The following VWA3B variants were observed in gnomAD, a reference collection of about 807,000 sequenced individuals.
The protein encoded by VWA3B is von Willebrand factor A domain containing 3B.
Under a neutral mutation model 158.3 loss-of-function variants are expected in VWA3B, and 138 were observed. The observed-to-expected ratio is 0.87, with a 90% CI of 0.76 to 1.00. The LOEUF is 1.00. Ranked by LOEUF, VWA3B falls within the 50% of genes least tolerant of loss-of-function variation. VWA3B has a pLI of 0.00. For missense variants in VWA3B, 1,555 were observed against 1,565.1 expected, an observed-to-expected ratio of 0.99 and a Z score of 0.11; for synonymous variants, 596 against 587.3, an observed-to-expected ratio of 1.01 and a Z score of -0.21.
intron 12 of VWA3B, among the ~76,000 whole-genome samples, chr2:98,195,772 T>G (rs1396423331): frequency 6.6e-6 from 1 of 152,194 alleles, no homozygotes; most frequent in Non-Finnish European, 1.5e-5. Flanking sequence ...ATTTTAGCCA[T>G]TTGGCTAAAA....
chr2:98,245,175 C>A (rs557662225), intron 19 of VWA3B, among the ~76,000 whole-genome samples: 2 of 152,130 alleles, frequency 1.3e-5, no homozygotes, highest in African/African-American at 4.8e-5. Flanking sequence ...GCCAGTTATG[C>A]TTGATTTGCA....
chr2:98,179,945 TTC>T (rs1283027625), intron 8 of VWA3B, among the ~76,000 whole-genome samples: 5 of 143,592 alleles, frequency 3.5e-5, no homozygotes, highest in African/African-American at 5.2e-5. Flanking sequence ...CCTCCCTCCT[TTC>T]TCTCTTTCTC....
At chr2:98,276,228 T>C (rs543511144) in intron 22 of VWA3B, among the ~76,000 whole-genome samples, 142 of 152,336 alleles carry the variant, frequency 9.3e-4, no homozygotes, top group African/African-American at 3.1e-3. Flanking sequence ...GCAATGATAC[T>C]TCTCCTTTCC....
intron 12 of VWA3B, among the ~76,000 whole-genome samples, chr2:98,199,144 C>T (rs1426672431): frequency 1.3e-5 from 2 of 151,318 alleles, no homozygotes; most frequent in South Asian, 2.1e-4. Flanking sequence ...CTTATAAGTT[C>T]GTCCAACTTA....
chr2:98,289,274 T>C (rs1014584270), intron 22 of VWA3B, among the ~76,000 whole-genome samples: 1 of 152,234 alleles, frequency 6.6e-6, no homozygotes, highest in African/African-American at 2.4e-5. Context: ...TCTTTTTTCC[T>C]GGGAGACTTC....
At chr2:98,248,855 CTT>C (rs1170660140) in intron 19 of VWA3B, among the ~76,000 whole-genome samples, 973 of 26,864 alleles carry the variant, frequency 0.036, 15 homozygotes, top group African/African-American at 0.22. Flanking sequence ...TTCTTTCTTT[CTT>C]TCTTTCTTTC....
chr2:98,302,553 C>G (rs1276441628), intron 25 of VWA3B, among the ~76,000 whole-genome samples: 3 of 152,174 alleles, frequency 2.0e-5, no homozygotes, highest in Non-Finnish European at 4.4e-5. Context: ...TTTCTTAGGA[C>G]CTTACTGTGT....
intron 2 of VWA3B, among the ~76,000 whole-genome samples, chr2:98,096,475 G>A (rs921034810): frequency 1.3e-5 from 2 of 151,950 alleles, no homozygotes; most frequent in Non-Finnish European, 2.9e-5. Flanking sequence ...CACCATGTTG[G>A]TCAGGCTGGT....
intron 2 of VWA3B, among the ~76,000 whole-genome samples, chr2:98,095,359 CTTTA>C (rs1243318741): frequency 6.6e-6 from 1 of 151,998 alleles, no homozygotes; most frequent in East Asian, 1.9e-4. Flanking sequence ...TTCCTAAGTA[CTTTA>C]TTTATTTGTT....
At chr2:98,278,344 C>T (rs550364793) in intron 22 of VWA3B, among the ~76,000 whole-genome samples, 1 of 152,188 alleles carries the variant, frequency 6.6e-6, no homozygotes, top group Non-Finnish European at 1.5e-5. Context: ...ACCCACAACC[C>T]CTGGAGCCCC....
chr2:98,282,585 C>T (rs140713765), intron 22 of VWA3B, among the ~76,000 whole-genome samples: 1 of 151,874 alleles, frequency 6.6e-6, no homozygotes, highest in East Asian at 1.9e-4. Flanking sequence ...TACAGGCGCA[C>T]GGCACCACAC....
At chr2:98,249,557 T>G (rs1053976254) in intron 19 of VWA3B, among the ~76,000 whole-genome samples, 1 of 152,138 alleles carries the variant, frequency 6.6e-6, no homozygotes, top group South Asian at 2.1e-4. Flanking sequence ...CCCCCCAAAA[T>G]TGGGGAAGGA....
At chr2:98,163,893 T>G (rs752410845) in intron 8 of VWA3B, among the ~76,000 whole-genome samples, 9 of 152,178 alleles carry the variant, frequency 5.9e-5, no homozygotes, top group Non-Finnish European at 1.0e-4. Flanking sequence ...GGCTTTTTGC[T>G]AAAATCAGGC....
intron 23 of VWA3B, among the ~76,000 whole-genome samples, chr2:98,293,123 A>G (rs1402887965): frequency 6.6e-6 from 1 of 152,072 alleles, no homozygotes; most frequent in Non-Finnish European, 1.5e-5. Flanking sequence ...AATTCTAAAG[A>G]CCTACTGGGG....
intron 8 of VWA3B, among the ~76,000 whole-genome samples, chr2:98,167,937 T>G (rs1161952904): frequency 6.6e-6 from 1 of 152,116 alleles, no homozygotes; most frequent in Non-Finnish European, 1.5e-5. Context: ...TAAGAAATCA[T>G]TAAAGCAAGA....
chr2:98,260,580 G>A (rs1028746234), intron 21 of VWA3B, among the ~76,000 whole-genome samples: 22 of 151,636 alleles, frequency 1.5e-4, no homozygotes, highest in African/African-American at 5.1e-4. Context: ...TTATTTAAGA[G>A]GCTTGAGCGT....
At chr2:98,230,244 T>G in intron 16 of VWA3B, 37 bp downstream of exon 16, 1 of 1,494,196 alleles carries the variant, frequency 6.7e-7, no homozygotes. Flanking sequence ...CTTTGCTGGT[T>G]TCTCTTCAAG....
intron 3 of VWA3B, among the ~76,000 whole-genome samples, chr2:98,118,489 G>C (rs1281932928): frequency 6.6e-6 from 1 of 152,124 alleles, no homozygotes; most frequent in Admixed American, 6.5e-5. Flanking sequence ...GAAGGTGACC[G>C]CATCCACCTT....
the VWA3B span, among the ~76,000 whole-genome samples, chr2:98,325,224 T>C: frequency 1.3e-5 from 2 of 152,228 alleles, no homozygotes; most frequent in Admixed American, 1.3e-4. Flanking sequence ...CATTCCGTCA[T>C]AGTCACAATG....
Sources: allele counts gnomAD v4.1 joint callset (sites outside exome capture counted in the v4.1 genomes callset), GRCh38; gene constraint gnomAD v4.1.1; transcripts MANE v1.5; gene names NCBI Gene and HGNC (gene_info 2026-07-23, HGNC 2026-07-21).